Variants in ATP13A4 observed in about 807,000 individuals in gnomAD.
ATP13A4 encodes the protein ATPase 13A4.
Under a neutral mutation model 142.5 loss-of-function variants are expected in ATP13A4, and 114 were observed. The ratio of observed to expected loss-of-function variants is 0.80; its 90% CI spans 0.69 to 0.93. ATP13A4 has a LOEUF of 0.93. Among genes scored for constraint, ATP13A4 ranks in the 40% least tolerant of loss-of-function variants. The probability of loss-of-function intolerance (pLI) is 0.00; values close to 1 mark genes in which losing one functional copy is unlikely to be tolerated. For synonymous variants in ATP13A4, 488 were observed against 514.8 expected, an observed-to-expected ratio of 0.95 and a Z score of 0.70; for missense variants, 1,392 against 1,454.0, an observed-to-expected ratio of 0.96 and a Z score of 0.69.
intron 2 of ATP13A4, chr3:193,578,865 G>A (rs1560289224): frequency 6.2e-6 from 1 of 161,576 alleles, no homozygotes; most frequent in Non-Finnish European, 1.4e-5. Flanking sequence ...ATTGTGGCTG[G>A]GTTGTAGCCA....
intron 1 of ATP13A4, among the ~76,000 whole-genome samples, chr3:193,588,437 G>C (rs1360923175): frequency 6.6e-6 from 1 of 152,044 alleles, no homozygotes; most frequent in Non-Finnish European, 1.5e-5. Flanking sequence ...AATTGACTTT[G>C]GCTTCAACCC....
chr3:193,562,820 G>A (rs1248482772), intron 2 of ATP13A4, among the ~76,000 whole-genome samples: 1 of 152,150 alleles, frequency 6.6e-6, no homozygotes, highest in Non-Finnish European at 1.5e-5. Context: ...GCAGTGAGCT[G>A]AGATGGTGCC....
chr3:193,526,425 A>G (rs1722006349), intron 1 of ATP13A4, among the ~76,000 whole-genome samples: 1 of 152,154 alleles, frequency 6.6e-6, no homozygotes, highest in African/African-American at 2.4e-5. Context: ...AGGGAGGGGA[A>G]CAACACAACA....
At chr3:193,427,226 C>T (rs1217757475) in intron 25 of ATP13A4, among the ~76,000 whole-genome samples, 1 of 151,982 alleles carries the variant, frequency 6.6e-6, no homozygotes, top group African/African-American at 2.4e-5. Context: ...AATAAAATAC[C>T]TAGGAATCCA....
At position 193,573,308 on chromosome 3, in the gene ATP13A4, C is replaced by CGT. The variant is rs1229145689; in HGVS notation, n.291+8398_291+8399insAC. 3.2e-4 allele frequency among the ~76,000 whole-genome samples: 33 copies of CGT among 103,650 alleles called. 1 individual carries two copies. The highest frequency in any genetic ancestry group is 4.8e-4 in the Admixed American group (5 of 10,412). 68.0% of individuals were successfully genotyped at this position (103,650 alleles called of 152,430 possible). ...ATATATACACATATATATATATATA[C>CGT]ATATATATATATATATATAATTTGT... On this transcript the variant is annotated intron_variant and non_coding_transcript_variant, in intron 2 of 3. Coordinates refer to the ATP13A4 transcript ENST00000489140.
intron 1 of ATP13A4, among the ~76,000 whole-genome samples, chr3:193,543,350 T>C (rs1723047947): frequency 6.6e-6 from 1 of 152,138 alleles, no homozygotes; most frequent in African/African-American, 2.4e-5. Context: ...GAACAGACAA[T>C]TTACAGACTG....
At chr3:193,421,329 C>G (rs2108609976) in intron 25 of ATP13A4, among the ~76,000 whole-genome samples, 1 of 149,308 alleles carries the variant, frequency 6.7e-6, no homozygotes. Flanking sequence ...AGCTGTCCTT[C>G]AGAAGTGAAG....
At chr3:193,477,031 T>C (rs1719005695) in intron 8 of ATP13A4, among the ~76,000 whole-genome samples, 1 of 151,982 alleles carries the variant, frequency 6.6e-6, no homozygotes, top group South Asian at 2.1e-4. Context: ...ACTTGCTCAA[T>C]GTAGGACTGT....
chr3:193,584,952 C>T (rs935552477), intron 1 of ATP13A4, among the ~76,000 whole-genome samples: 1 of 152,130 alleles, frequency 6.6e-6, no homozygotes, highest in Non-Finnish European at 1.5e-5. Context: ...AGAAAGTTCC[C>T]CAATGTTCCT....
At chr3:193,574,965 G>T (rs973820011) in intron 2 of ATP13A4, among the ~76,000 whole-genome samples, 1 of 152,146 alleles carries the variant, frequency 6.6e-6, no homozygotes, top group Non-Finnish European at 1.5e-5. Flanking sequence ...GTAGAATATG[G>T]CACCAGTGAC....
chr3:193,423,637 C>T (rs1025145076), intron 25 of ATP13A4, among the ~76,000 whole-genome samples: 2 of 149,526 alleles, frequency 1.3e-5, no homozygotes, highest in Non-Finnish European at 3.0e-5. Flanking sequence ...TTCCCTTCTG[C>T]TAAAAACTCT....
intron 23 of ATP13A4, among the ~76,000 whole-genome samples, chr3:193,436,977 G>A (rs982459714): frequency 6.5e-4 from 96 of 147,092 alleles, no homozygotes; most frequent in African/African-American, 2.5e-3. Context: ...GGTGGCGGGC[G>A]CCTGTAGTCC....
chr3:193,571,271 C>T (rs1560286405), intron 2 of ATP13A4, among the ~76,000 whole-genome samples: 1 of 60,156 alleles, frequency 1.7e-5, no homozygotes, highest in Non-Finnish European at 2.9e-5. Context: ...AAAGCAAGAC[C>T]TTGTCTCAAA....
chr3:193,572,802 G>A (rs1312585718), intron 2 of ATP13A4, among the ~76,000 whole-genome samples: 1 of 151,952 alleles, frequency 6.6e-6, no homozygotes, highest in African/African-American at 2.4e-5. Context: ...AGGGCAGGAG[G>A]GCAGTTTGAC....
chr3:193,486,026 T>G (rs953681508), intron 7 of ATP13A4, among the ~76,000 whole-genome samples: 1 of 150,816 alleles, frequency 6.6e-6, no homozygotes, highest in African/African-American at 2.4e-5. Context: ...TATTTTTATT[T>G]CAGAAAATAC....
chr3:193,578,881 C>T, intron 2 of ATP13A4: 1 of 172,818 alleles, frequency 5.8e-6, no homozygotes, highest in Non-Finnish European at 1.3e-5. Context: ...AGCCAGTTTT[C>T]TTAATGTACA....
intron 1 of ATP13A4, among the ~76,000 whole-genome samples, chr3:193,524,575 T>G (rs942871809): frequency 2.6e-5 from 4 of 152,202 alleles, no homozygotes; most frequent in Non-Finnish European, 4.4e-5. Flanking sequence ...GCCTATTTAC[T>G]GCTCAGTGTA....
At chr3:193,539,463 T>C (rs180999778) in intron 1 of ATP13A4, among the ~76,000 whole-genome samples, 8 of 152,262 alleles carry the variant, frequency 5.3e-5, no homozygotes, top group Non-Finnish European at 1.2e-4. Context: ...CACAAGAGGG[T>C]TTGAGACAGG....
At chr3:193,433,434 C>G (rs762173686) in intron 25 of ATP13A4, among the ~76,000 whole-genome samples, 2 of 152,150 alleles carry the variant, frequency 1.3e-5, no homozygotes, top group Non-Finnish European at 2.9e-5. Context: ...TACCTTTAAG[C>G]TTCATTCTAA....
Sources: gnomAD v4.1 joint callset for allele counts (sites outside exome capture counted in the v4.1 genomes callset) on GRCh38, gnomAD v4.1.1 for gene constraint, MANE v1.5 for transcripts, NCBI Gene and HGNC (gene_info 2026-07-23, HGNC 2026-07-21) for gene names.